Variants in ADGRL3 observed in about 807,000 individuals in gnomAD.
ADGRL3 encodes the protein adhesion G protein-coupled receptor L3.
ADGRL3 carries 62 observed loss-of-function variants against 153.5 expected under a neutral mutation model. That is an observed-to-expected ratio of 0.40 (90% confidence interval 0.33 to 0.50). ADGRL3 has a LOEUF of 0.50. Among genes scored for constraint, ADGRL3 ranks in the 20% least tolerant of loss-of-function variants. The pLI is 0.47. For missense variants in ADGRL3, 1,641 were observed against 1,859.4 expected (o/e 0.88, Z 2.16); for synonymous variants, 710 against 672.5 (o/e 1.06, Z -0.86).
chr4:61,679,717 G>A (rs12233859), intron 6 of ADGRL3, among the ~76,000 whole-genome samples: 53,706 of 151,800 alleles, frequency 0.35, 9,989 homozygotes, highest in East Asian at 0.53. Flanking sequence ...AAAGTGAAAT[G>A]TCCCATGTGA....
At position 61,505,025 on chromosome 4, in the gene ADGRL3, C is replaced by T. The variant is rs546093442; in HGVS notation, c.55+7677C>T. Among the ~76,000 whole-genome samples the T allele has an allele frequency of 7.2e-5, 11 of 152,004 alleles. No homozygotes were observed. The South Asian group carries it at 2.3e-3, about 32-fold the overall frequency. On this transcript the variant is annotated intron_variant, in intron 3 of 26. Coordinates refer to ENST00000683033, the MANE Select transcript of ADGRL3 (RefSeq NM_001387552.1). ...GTAGTTCTTTTAGTCTTTTGAGGGA[C>T]CTTCATGCTGTTCTCCACAGTGGCT... is the stretch of plus-strand genomic sequence containing the variant.
At chr4:61,530,861 T>A (rs2098608503) in intron 4 of ADGRL3, among the ~76,000 whole-genome samples, 7 of 152,214 alleles carry the variant, frequency 4.6e-5, no homozygotes, top group Non-Finnish European at 7.3e-5. Context: ...CACCTGGTGC[T>A]TAAAAGTACT....
At chr4:61,610,056 T>C (rs1467249471) in intron 5 of ADGRL3, among the ~76,000 whole-genome samples, 1 of 151,862 alleles carries the variant, frequency 6.6e-6, no homozygotes, top group African/African-American at 2.4e-5. Flanking sequence ...GGTTCTGTAC[T>C]AACTGGAATG....
At chr4:61,350,400 T>C (rs1229922615) in intron 1 of ADGRL3, among the ~76,000 whole-genome samples, 1 of 151,372 alleles carries the variant, frequency 6.6e-6, no homozygotes, top group Middle Eastern at 3.2e-3. Flanking sequence ...ATAACTGTCT[T>C]TGCAGTAGTA....
intron 6 of ADGRL3, among the ~76,000 whole-genome samples, chr4:61,713,539 G>A (rs139937300): frequency 2.8e-3 from 418 of 151,854 alleles, no homozygotes; most frequent in African/African-American, 9.3e-3. Flanking sequence ...GCTCACTTTT[G>A]TATATGTAAA....
intron 11 of ADGRL3, among the ~76,000 whole-genome samples, chr4:61,899,235 C>T (rs949534780): frequency 1.3e-5 from 2 of 152,096 alleles, no homozygotes; most frequent in Non-Finnish European, 1.5e-5. Context: ...ATTCCTATAT[C>T]ACCATCTCCT....
At chr4:61,285,570 G>A (rs917167180) in intron 1 of ADGRL3, among the ~76,000 whole-genome samples, 9 of 151,764 alleles carry the variant, frequency 5.9e-5, no homozygotes, top group Non-Finnish European at 1.0e-4. Context: ...GGTAAAATAC[G>A]GCGATTCAAG....
intron 24 of ADGRL3, among the ~76,000 whole-genome samples, chr4:62,042,099 A>G (rs951635913): frequency 6.6e-6 from 1 of 152,182 alleles, no homozygotes. Context: ...ATATAGATGT[A>G]TATGCACACA....
chr4:61,738,420 C>T (rs1049663762), intron 8 of ADGRL3, among the ~76,000 whole-genome samples: 2 of 152,094 alleles, frequency 1.3e-5, no homozygotes, highest in African/African-American at 4.8e-5. Flanking sequence ...GACCTCTTTT[C>T]CTCTGGGTAG....
intron 4 of ADGRL3, among the ~76,000 whole-genome samples, chr4:61,553,078 T>C (rs932679794): frequency 5.9e-5 from 9 of 152,314 alleles, no homozygotes; most frequent in Admixed American, 2.0e-4. Context: ...ATTTGAATTG[T>C]AAGTTGCCTC....
intron 5 of ADGRL3, among the ~76,000 whole-genome samples, chr4:61,589,348 T>A (rs561670496): frequency 2.0e-5 from 3 of 152,174 alleles, no homozygotes; most frequent in Admixed American, 2.0e-4. Context: ...AGAAATCAGG[T>A]TTTATTTTGT....
At position 61,591,446 on chromosome 4, in the gene ADGRL3, T is replaced by C. The variant is rs1231765254; in HGVS notation, c.473+4006T>C. On this transcript the variant is annotated intron_variant, in intron 5 of 26. Transcript: ENST00000683033. ...GTGTCCAATCTACTTTCTGTCTATA[T>C]GTTTATCTTCAATGTATTATTTTAA... 7.9e-5 allele frequency among the ~76,000 whole-genome samples: 12 copies of C among 152,256 alleles called. No homozygotes were observed. The East Asian group carries it at 2.3e-3, about 30-fold the overall frequency.
At position 61,493,671 on chromosome 4, in the gene ADGRL3, G is replaced by T. The variant is rs116163686; in HGVS notation, c.-173-3450G>T. On this transcript the variant is annotated intron_variant, in intron 2 of 26. Coordinates refer to ENST00000683033, the MANE Select transcript of ADGRL3 (RefSeq NM_001387552.1). ...GTGTTCTTTGTCCTCTCTTCTCTGCGTGCTTTCCTGCCTGCCTCATGTATC... is the reference window on the plus strand; with the variant it reads ...GTGTTCTTTGTCCTCTCTTCTCTGCTTGCTTTCCTGCCTGCCTCATGTATC... 3.5e-3 allele frequency among the ~76,000 whole-genome samples: 534 copies of T among 152,182 alleles called. 5 individuals carry two copies. Among genetic ancestry groups the T allele is most frequent in the African/African-American group, 0.012 (490 of 41,514 alleles).
chr4:61,548,675 G>C (rs1193435961), intron 4 of ADGRL3, among the ~76,000 whole-genome samples: 1 of 151,912 alleles, frequency 6.6e-6, no homozygotes, highest in Non-Finnish European at 1.5e-5. Context: ...TTTGATTACT[G>C]TATTCTTATA....
intron 9 of ADGRL3, among the ~76,000 whole-genome samples, chr4:61,880,046 G>T (rs993087574): frequency 6.6e-6 from 1 of 152,100 alleles, no homozygotes; most frequent in Non-Finnish European, 1.5e-5. Context: ...TTTAAAAGGC[G>T]GTGGGTAGGC....
At position 61,325,039 on chromosome 4, in the gene ADGRL3, C is replaced by T. The variant is rs535244283; in HGVS notation, c.-239-58085C>T. Among the ~76,000 whole-genome samples the T allele has an allele frequency of 9.2e-5, 14 of 152,184 alleles. No homozygotes were observed. In the East Asian group the frequency reaches 1.7e-3, roughly 19 times the overall value. On this transcript the variant is annotated intron_variant, in intron 1 of 26. Coordinates refer to ENST00000683033, the MANE Select transcript of ADGRL3 (RefSeq NM_001387552.1). ...GCTTAAAAATAGCATGTAGGTCGGG[C>T]GCAGTGGCTCATGCCTATAATCCTA...
At chr4:61,534,756 A>T (rs950515072) in intron 4 of ADGRL3, among the ~76,000 whole-genome samples, 1 of 152,114 alleles carries the variant, frequency 6.6e-6, no homozygotes, top group African/African-American at 2.4e-5. Flanking sequence ...AATTGTTGGC[A>T]TATAGGTATG....
At position 61,549,942 on chromosome 4, in the gene ADGRL3, C is replaced by G. The variant is rs551675774; in HGVS notation, c.259+32424C>G. 2.0e-5 allele frequency among the ~76,000 whole-genome samples: 3 copies of G among 152,050 alleles called. No individual in the cohort carries two copies. The South Asian group carries it at 6.2e-4, about 32-fold the overall frequency. On this transcript the variant is annotated intron_variant, in intron 4 of 26. Coordinates refer to ENST00000683033, the MANE Select transcript of ADGRL3 (RefSeq NM_001387552.1). ...ATATTTAAATAAAATTTATGTGGCT[C>G]TTTCCTCTGTTTTTAATCTTAGAAG...
At chr4:61,402,339 AT>A (rs1183771083) in intron 2 of ADGRL3, among the ~76,000 whole-genome samples, 2 of 152,136 alleles carry the variant, frequency 1.3e-5, no homozygotes, top group Non-Finnish European at 2.9e-5. Context: ...TTTAAAAATT[AT>A]TCTTTGCTTC....
Sources: gnomAD v4.1 joint callset for allele counts (sites outside exome capture counted in the v4.1 genomes callset) on GRCh38, gnomAD v4.1.1 for gene constraint, MANE v1.5 for transcripts, NCBI Gene and HGNC (gene_info 2026-07-23, HGNC 2026-07-21) for gene names.